Variants in TUSC3 observed in about 807,000 individuals in gnomAD.
TUSC3 encodes the protein dolichyl-diphosphooligosaccharide--protein glycosyltransferase subunit TUSC3.
TUSC3 carries 45 observed loss-of-function variants against 44.8 expected under a neutral mutation model. The observed-to-expected ratio is 1.00, with a 90% CI of 0.79 to 1.29. TUSC3 has a LOEUF of 1.29. TUSC3 is among the 50% of genes most tolerant of loss of function. The probability of loss-of-function intolerance (pLI) is 0.00; values close to 1 mark genes in which losing one functional copy is unlikely to be tolerated. For synonymous variants in TUSC3, 212 were observed against 152.9 expected, an observed-to-expected ratio of 1.39 and a Z score of -2.85; for missense variants, 519 against 437.9, an observed-to-expected ratio of 1.19 and a Z score of -1.65.
chr8:15,511,952 T>C (rs1801141893), intron 2 of TUSC3, among the ~76,000 whole-genome samples: 1 of 152,178 alleles, frequency 6.6e-6, no homozygotes, highest in South Asian at 2.1e-4. Flanking sequence ...TAAATTTATC[T>C]ATAGATTCAA....
At chr8:15,649,291 A>G (rs2129175013) in intron 2 of TUSC3, among the ~76,000 whole-genome samples, 1 of 152,238 alleles carries the variant, frequency 6.6e-6, no homozygotes, top group South Asian at 2.1e-4. Flanking sequence ...ACTATTGAGT[A>G]TTAAGAAGTT....
intron 1 of TUSC3, among the ~76,000 whole-genome samples, chr8:15,576,261 T>C (rs2129144917): frequency 6.7e-6 from 1 of 148,386 alleles, no homozygotes; most frequent in African/African-American, 2.4e-5. Context: ...TTCTTTTTTT[T>C]TTTTTCTTGG....
chr8:15,509,481 G>A (rs1258880048), intron 2 of TUSC3, among the ~76,000 whole-genome samples: 4 of 152,006 alleles, frequency 2.6e-5, no homozygotes, highest in East Asian at 1.9e-4. Flanking sequence ...GGTGGCAGGC[G>A]CCTGTAATCC....
At chr8:15,768,149 C>G (rs916580853), downstream of TUSC3, among the ~76,000 whole-genome samples, 4 of 91,806 alleles carry the variant, frequency 4.4e-5, no homozygotes, top group South Asian at 3.3e-4. Flanking sequence ...GAGTATTTTT[C>G]TTTTTATCTT....
intron 1 of TUSC3, among the ~76,000 whole-genome samples, chr8:15,437,479 A>G (rs912542082): frequency 3.3e-5 from 5 of 152,170 alleles, no homozygotes; most frequent in African/African-American, 1.2e-4. Flanking sequence ...TCTACTATTA[A>G]TATTTGGTTT....
At chr8:15,449,701 C>G (rs1177421364) in intron 1 of TUSC3, among the ~76,000 whole-genome samples, 3 of 152,132 alleles carry the variant, frequency 2.0e-5, no homozygotes, top group Non-Finnish European at 4.4e-5. Context: ...GCAAGGAGTC[C>G]TTTCAGTCTG....
the TUSC3 span, among the ~76,000 whole-genome samples, chr8:15,839,996 G>A: frequency 7.0e-4 from 107 of 152,268 alleles, no homozygotes; most frequent in Non-Finnish European, 1.3e-3. Context: ...ATCAATGATA[G>A]ACTGGATTAA....
At chr8:15,451,482 G>A (rs1024160982) in intron 1 of TUSC3, among the ~76,000 whole-genome samples, 3 of 152,118 alleles carry the variant, frequency 2.0e-5, no homozygotes, top group African/African-American at 7.2e-5. Flanking sequence ...TCCATAAAAA[G>A]CCAAAAGGAT....
chr8:15,633,175 C>T (rs1748021240), intron 2 of TUSC3, among the ~76,000 whole-genome samples: 1 of 152,222 alleles, frequency 6.6e-6, no homozygotes, highest in African/African-American at 2.4e-5. Context: ...CAGAGCATTA[C>T]GTGTTTTCTT....
At chr8:15,725,786 A>G (rs1341332046) in intron 6 of TUSC3, among the ~76,000 whole-genome samples, 7 of 152,196 alleles carry the variant, frequency 4.6e-5, no homozygotes, top group Admixed American at 4.6e-4. Context: ...GAAACCCAGG[A>G]CAGAGAATTG....
chr8:15,851,089 G>C, the TUSC3 span, among the ~76,000 whole-genome samples: 2 of 152,218 alleles, frequency 1.3e-5, no homozygotes, highest in East Asian at 1.9e-4. Flanking sequence ...ACGCTTTTCG[G>C]AAGGTAACAC....
intron 1 of TUSC3, among the ~76,000 whole-genome samples, chr8:15,473,499 A>C (rs1800524141): frequency 6.6e-6 from 1 of 152,172 alleles, no homozygotes; most frequent in Admixed American, 6.5e-5. Context: ...ATGTTCATAA[A>C]GTATTGGGGG....
At chr8:15,624,338 G>C (rs183014960) in intron 2 of TUSC3, among the ~76,000 whole-genome samples, 1 of 152,270 alleles carries the variant, frequency 6.6e-6, no homozygotes, top group Admixed American at 6.5e-5. Context: ...ATGCCACAGA[G>C]TGTGGTGGTT....
At chr8:15,429,351 C>G (rs1190787636) in intron 1 of TUSC3, among the ~76,000 whole-genome samples, 2 of 149,698 alleles carry the variant, frequency 1.3e-5, no homozygotes, top group Non-Finnish European at 2.9e-5. Context: ...GTACCAGTAC[C>G]ATGCTGTTTT....
In TUSC3 at chr8:15,615,369, A is replaced by T. The variant is rs550787377; in HGVS notation, c.139-7711A>T. Among the ~76,000 whole-genome samples, 9 of 152,312 alleles carry T rather than the reference A, an allele frequency of 5.9e-5. No homozygotes were observed. In the South Asian group the frequency reaches 1.9e-3, roughly 32 times the overall value. On this transcript the variant is annotated intron_variant, in intron 1 of 10. Coordinates refer to ENST00000503731, the MANE Select transcript of TUSC3 (RefSeq NM_006765.4). ...AAGTAAGTCAGGCACAAAAAGACAA[A>T]CATCACATGTTCTCACTCATATGGG...
intron 1 of TUSC3, among the ~76,000 whole-genome samples, chr8:15,616,256 C>A (rs1046985020): frequency 6.6e-6 from 1 of 151,994 alleles, no homozygotes; most frequent in African/African-American, 2.4e-5. Context: ...AAAATTTACT[C>A]CTAGAAATTT....
chr8:15,517,330 C>T (rs192423091), intron 2 of TUSC3, among the ~76,000 whole-genome samples: 103 of 152,136 alleles, frequency 6.8e-4, no homozygotes, highest in Non-Finnish European at 9.3e-4. Flanking sequence ...CTCTATTCTT[C>T]GTACCTCATC....
At position 15,445,581 on chromosome 8, in the gene TUSC3, C is replaced by T. The variant is rs561792804; in HGVS notation, n.91+28276C>T. On this transcript the variant is annotated intron_variant and non_coding_transcript_variant, in intron 1 of 5. Coordinates refer to the TUSC3 transcript ENST00000503191. ...AAGCACATCTTGCACCGCCCTTAAT[C>T]CATTTAACCCTGAGTGGACACAGCA... 5.0e-4 allele frequency among the ~76,000 whole-genome samples: 76 copies of T among 152,286 alleles called. 2 individuals carry two copies. Among genetic ancestry groups the T allele is most frequent in the Admixed American group, 4.4e-3 (67 of 15,300 alleles).
At chr8:15,832,763 G>T in the TUSC3 span, among the ~76,000 whole-genome samples, 2 of 152,018 alleles carry the variant, frequency 1.3e-5, no homozygotes, top group African/African-American at 4.8e-5. Context: ...CCCAACACAG[G>T]AGCACCCACA....
Sources: allele counts gnomAD v4.1 joint callset (sites outside exome capture counted in the v4.1 genomes callset), GRCh38; gene constraint gnomAD v4.1.1; transcripts MANE v1.5; gene names NCBI Gene and HGNC (gene_info 2026-07-23, HGNC 2026-07-21).